Variants in ANKRD11 observed in about 807,000 individuals in gnomAD.
ANKRD11 encodes the protein ankyrin repeat domain 11.
ANKRD11 carries 17 observed loss-of-function variants against 195.7 expected under a neutral mutation model. The ratio of observed to expected loss-of-function variants is 0.09; its 90% CI spans 0.06 to 0.13. ANKRD11 has a LOEUF of 0.13. Ranked by LOEUF, ANKRD11 falls within the 10% of genes least tolerant of loss-of-function variation. ANKRD11 has a pLI of 1.00. For missense variants in ANKRD11, 3,735 were observed against 3,566.1 expected, an observed-to-expected ratio of 1.05 and a Z score of -1.21; for synonymous variants, 1,953 against 1,528.1, an observed-to-expected ratio of 1.28 and a Z score of -6.49.
At chr16:89,292,596 G>A (rs731135) in intron 4 of ANKRD11, among the ~76,000 whole-genome samples, 86,529 of 151,744 alleles carry the variant, frequency 0.57, 26,063 homozygotes, top group Non-Finnish European at 0.67. Flanking sequence ...TGGCCACATC[G>A]ACCTGCGTCA....
intron 1 of ANKRD11, among the ~76,000 whole-genome samples, chr16:89,419,184 G>C (rs937924700): frequency 6.6e-6 from 1 of 152,050 alleles, no homozygotes; most frequent in African/African-American, 2.4e-5. Flanking sequence ...ATGCATGGTG[G>C]CTCACGCCTG....
At chr16:89,396,639 T>C (rs1018664139) in intron 2 of ANKRD11, among the ~76,000 whole-genome samples, 2 of 152,088 alleles carry the variant, frequency 1.3e-5, no homozygotes, top group African/African-American at 4.8e-5. Context: ...CACACATTAA[T>C]GGGGTTTGTA....
At chr16:89,278,839 C>G (rs771342480) in intron 9 of ANKRD11, 29 of 727,376 alleles carry the variant, frequency 4.0e-5, no homozygotes, top group Non-Finnish European at 7.2e-6. Context: ...GTCAGGAGAC[C>G]GAGGCCTGGC....
chr16:89,343,205 G>A (rs2152003055), intron 2 of ANKRD11, among the ~76,000 whole-genome samples: 1 of 152,282 alleles, frequency 6.6e-6, no homozygotes, highest in East Asian at 1.9e-4. Context: ...TGGCCAGGCT[G>A]GTCTCGAACT....
At chr16:89,482,358 T>G (rs1044659106) in intron 1 of ANKRD11, among the ~76,000 whole-genome samples, 1 of 151,954 alleles carries the variant, frequency 6.6e-6, no homozygotes, top group Non-Finnish European at 1.5e-5. Flanking sequence ...ACTGCCCTCA[T>G]CAAAACTGCC....
intron 2 of ANKRD11, among the ~76,000 whole-genome samples, chr16:89,356,781 A>AG: frequency 6.5e-5 from 2 of 30,806 alleles, no homozygotes; most frequent in South Asian, 1.1e-3. Flanking sequence ...ACTCCGTCTC[A>AG]AAAAAAAAAA....
intron 2 of ANKRD11, among the ~76,000 whole-genome samples, chr16:89,372,323 G>A (rs1041180261): frequency 4.6e-5 from 7 of 152,310 alleles, no homozygotes; most frequent in Admixed American, 2.6e-4. Flanking sequence ...GCCCAGCGAC[G>A]GATGCGGCCA....
Position 89,280,730 on chromosome 16 carries a change from G to T in ANKRD11, c.5812C>A (p.Pro1938Thr). The change falls in exon 9 of 13, where the codon CCC becomes ACC. Residue 1938 changes from proline (P) to threonine (T), a missense_variant. Coordinates refer to ENST00000301030, the MANE Select transcript of ANKRD11 (RefSeq NM_013275.6). ...PSYLEPLDEG[P>T]FSAVITEEPV... ...TCCTCGGTGATGACGGCGCTGAAGG[G>T]ACCCTCGTCCAGCGGCTCCAGGTAG... 6.2e-7 allele frequency: 1 copy of T among 1,613,498 alleles called. No individual in the cohort carries two copies. The highest frequency in any genetic ancestry group is 8.5e-7 in the Non-Finnish European group (1 of 1,179,922).
At chr16:89,328,540 G>A (rs1173363797) in intron 2 of ANKRD11, among the ~76,000 whole-genome samples, 2 of 150,832 alleles carry the variant, frequency 1.3e-5, no homozygotes, top group African/African-American at 5.0e-5. Context: ...CCAAGCGTAT[G>A]GGTGAATCTG....
rs1279832813 is a variant in ANKRD11 at position 89,281,612 on chromosome 16, C to T, written c.4930G>A (p.Gly1644Arg). Residue 1644 changes from glycine (G) to arginine (R), a missense_variant, in exon 9 of 13, where the codon GGG becomes AGG. Gly to Arg is a moderately radical substitution (Grantham distance 125). Coordinates refer to ENST00000301030, the MANE Select transcript of ANKRD11 (RefSeq NM_013275.6). This position sits in a 1 kb window ranked among gnomAD's most constrained non-coding sequence, Gnocchi z 5.5. ...TTGTCTTTAAATGGAGGGTCCAGCCCCGGCGGTTTCTTAGCAGGAATGTCC... is the reference window on the plus strand; with the variant it reads ...TTGTCTTTAAATGGAGGGTCCAGCCTCGGCGGTTTCTTAGCAGGAATGTCC... The part of the protein sequence containing the change: ...GLDIPAKKPP[G>R]LDPPFKDKKL... The T allele has an allele frequency of 6.2e-7, 1 of 1,614,168 alleles. No homozygotes were observed. Among genetic ancestry groups the T allele is most frequent in the South Asian group, 1.1e-5 (1 of 91,082 alleles).
chr16:89,306,103 G>A (rs1461177969), intron 3 of ANKRD11, among the ~76,000 whole-genome samples: 2 of 65,332 alleles, frequency 3.1e-5, no homozygotes, highest in Admixed American at 3.5e-4. Context: ...GCAGACACGC[G>A]CCACCTCCCA....
intron 2 of ANKRD11, among the ~76,000 whole-genome samples, chr16:89,414,522 T>C (rs1352356604): frequency 6.6e-6 from 1 of 152,204 alleles, no homozygotes; most frequent in Non-Finnish European, 1.5e-5. Flanking sequence ...CAAACTAAAA[T>C]TGTTTTAAAG....
chr16:89,271,146 C>A, intron 11 of ANKRD11: 2 of 568,738 alleles, frequency 3.5e-6, no homozygotes, highest in East Asian at 3.2e-5. Flanking sequence ...TCCTGGGCAC[C>A]GGGTGCCCGC....
chr16:89,465,898 G>T (rs1046271345), intron 1 of ANKRD11, among the ~76,000 whole-genome samples: 4 of 152,122 alleles, frequency 2.6e-5, no homozygotes, highest in African/African-American at 7.2e-5. Flanking sequence ...TTTTAGTAGA[G>T]ATGGGGTTTC....
intron 2 of ANKRD11, among the ~76,000 whole-genome samples, chr16:89,403,096 G>A (rs1297952963): frequency 6.6e-6 from 1 of 152,178 alleles, no homozygotes; most frequent in East Asian, 1.9e-4. Context: ...ATCACTGCAC[G>A]TGGACACATC....
At chr16:89,420,417 G>A (rs1021891969) in intron 1 of ANKRD11, 6 of 152,328 alleles carry the variant, frequency 3.9e-5, no homozygotes, top group East Asian at 1.9e-4. Flanking sequence ...GTCTCCAGAC[G>A]ATGTCCGCTA....
rs527973599 is a variant in ANKRD11 at position 89,477,689 on chromosome 16, G to C, written c.-145+12556C>G. On this transcript the variant is annotated intron_variant, in intron 1 of 12. Transcript: ENST00000301030. Reference sequence around the variant, plus strand: ...GCATTTTAATAATAAAAATATTGGAGAGGCCGGGCGCGGTGGCTCATGCCT... The same window carrying C: ...GCATTTTAATAATAAAAATATTGGACAGGCCGGGCGCGGTGGCTCATGCCT... 9.2e-5 allele frequency among the ~76,000 whole-genome samples: 14 copies of C among 151,644 alleles called. No homozygotes were observed. In the South Asian group the frequency reaches 2.7e-3, roughly 29 times the overall value.
At chr16:89,465,144 C>T (rs2056839928) in intron 1 of ANKRD11, among the ~76,000 whole-genome samples, 1 of 152,244 alleles carries the variant, frequency 6.6e-6, no homozygotes, top group Non-Finnish European at 1.5e-5. Flanking sequence ...CATGATACAA[C>T]AGCAGAGCTG....
intron 1 of ANKRD11, among the ~76,000 whole-genome samples, chr16:89,421,110 GGGGGT>G: frequency 1.3e-5 from 2 of 151,946 alleles, no homozygotes; most frequent in Admixed American, 6.6e-5. Flanking sequence ...ATCCATGTCT[GGGGGT>G]GGGGCTGAGA....
Sources: gnomAD v4.1 joint callset for allele counts (sites outside exome capture counted in the v4.1 genomes callset) on GRCh38, gnomAD v4.1.1 for gene constraint, Gnocchi (gnomAD v3.1) non-coding constraint, MANE v1.5 for transcripts, NCBI Gene and HGNC (gene_info 2026-07-23, HGNC 2026-07-21) for gene names.